RPS6KA5: variants seen among roughly 807,000 people sequenced by gnomAD.
RPS6KA5 encodes ribosomal protein S6 kinase A5.
A neutral mutation model predicts 85.5 loss-of-function variants in RPS6KA5; 27 were observed. That is an observed-to-expected ratio of 0.32 (90% CI 0.23 to 0.44). The LOEUF is 0.44. Ranked by LOEUF, RPS6KA5 falls within the 20% of genes least tolerant of loss-of-function variation. The pLI is 1.00. For missense variants in RPS6KA5, 811 were observed against 980.9 expected, an observed-to-expected ratio of 0.83 and a Z score of 2.31; for synonymous variants, 334 against 348.2, an observed-to-expected ratio of 0.96 and a Z score of 0.46.
At chr14:90,882,982 G>A (rs1315976218) in intron 14 of RPS6KA5, among the ~76,000 whole-genome samples, 1 of 152,032 alleles carries the variant, frequency 6.6e-6, no homozygotes, top group African/African-American at 2.4e-5. Flanking sequence ...ATTTTTAGTA[G>A]AGATGGGGTT....
chr14:91,052,833 CAA>C (rs200161761), intron 1 of RPS6KA5, among the ~76,000 whole-genome samples: 6,701 of 119,840 alleles, frequency 0.056, 417 homozygotes, highest in African/African-American at 0.18. Context: ...ACTCCATCTC[CAA>C]AAAAAAAAAA....
chr14:90,936,660 T>C (rs558984469), intron 5 of RPS6KA5, among the ~76,000 whole-genome samples: 2 of 152,316 alleles, frequency 1.3e-5, no homozygotes, highest in South Asian at 4.1e-4. Flanking sequence ...ATGTTCACCA[T>C]TATATTTGTA....
chr14:91,024,419 A>C (rs917892529), intron 1 of RPS6KA5, among the ~76,000 whole-genome samples: 9 of 152,070 alleles, frequency 5.9e-5, no homozygotes, highest in African/African-American at 1.9e-4. Context: ...ATTTGGAGGA[A>C]TATTTTTATT....
chr14:91,060,380 C>A lies in RPS6KA5; in HGVS notation c.55G>T (p.Gly19Cys). ...GTGAGGAGCTGCTCTCCTCCGTCGC[C>A]GCCGTCCGCGCTGGTCCCCGCGGCG... ...GGAAGTSADG[G>C]DGGEQLLTVK... Residue 19 changes from glycine (G) to cysteine (C), a missense_variant, in exon 1 of 17, where the codon GGC becomes TGC. By Grantham distance (159) the Gly-to-Cys change is radical. This residue lies in a region of RPS6KA5 where 113 missense variants were observed against 100.0 expected (regional missense o/e 1.13). Coordinates refer to ENST00000614987, the MANE Select transcript of RPS6KA5 (RefSeq NM_004755.4). 6.6e-7 allele frequency: 1 copy of A among 1,508,192 alleles called. No individual in the cohort carries two copies. Among genetic ancestry groups the A allele is most frequent in the Non-Finnish European group, 8.9e-7 (1 of 1,122,738 alleles). The allele number at this position is 1,508,192 out of a possible 1,614,324, so 93.4% of individuals were successfully genotyped here.
chr14:90,872,467 T>C (rs2033182833), intron 16 of RPS6KA5, 145 bp from the exon 17 acceptor site: 4 of 1,047,240 alleles, frequency 3.8e-6, no homozygotes, highest in Non-Finnish European at 5.3e-6. Flanking sequence ...AAAACCTTTA[T>C]ATCTAAGTCT....
intron 1 of RPS6KA5, among the ~76,000 whole-genome samples, chr14:91,020,495 G>C (rs1181611909): frequency 6.7e-6 from 1 of 148,562 alleles, no homozygotes; most frequent in African/African-American, 2.5e-5. Flanking sequence ...TATCTATAGG[G>C]GATCCTGAAA....
Position 90,851,045 on chromosome 14 carries a change from A to AT in RPS6KA5, c.*21028dup, listed in dbSNP as rs199608256. The AT allele has an allele frequency of 0.024, 3,588 of 149,938 alleles. 131 individuals are homozygous for AT. Among genetic ancestry groups the AT allele is most frequent in the African/African-American group, 0.08 (3,278 of 40,930 alleles). 9.3% of individuals were successfully genotyped at this position (149,938 alleles called of 1,614,324 possible). ...AAGTGGGTAAAGATACTTTTATTTTATTTTTTTTTTGAGACAGAGTCTCAC... is the reference window on the plus strand; with the variant it reads ...AAGTGGGTAAAGATACTTTTATTTTATTTTTTTTTTTGAGACAGAGTCTCAC... On this transcript the variant is annotated 3_prime_UTR_variant, in exon 17 of 17. Coordinates refer to ENST00000614987, the MANE Select transcript of RPS6KA5 (RefSeq NM_004755.4).
chr14:90,880,039 T>A (rs1315532674), intron 14 of RPS6KA5, among the ~76,000 whole-genome samples: 1 of 152,166 alleles, frequency 6.6e-6, no homozygotes, highest in East Asian at 1.9e-4. Context: ...GACCTTGTGA[T>A]CTACCCGCCT....
At chr14:91,036,812 A>G (rs2042427849) in intron 1 of RPS6KA5, among the ~76,000 whole-genome samples, 1 of 152,170 alleles carries the variant, frequency 6.6e-6, no homozygotes, top group African/African-American at 2.4e-5. Context: ...GGGTTGCCCA[A>G]GGGGAGCATT....
intron 14 of RPS6KA5, among the ~76,000 whole-genome samples, chr14:90,877,205 G>A (rs1165282229): frequency 6.6e-6 from 1 of 152,208 alleles, no homozygotes; most frequent in Non-Finnish European, 1.5e-5. Context: ...ATATGCATGA[G>A]AATGCGCAGA....
At chr14:90,875,110 GTAAT>G in intron 15 of RPS6KA5, 87 bp downstream of exon 15, 1 of 1,242,078 alleles carries the variant, frequency 8.1e-7, no homozygotes, top group Non-Finnish European at 1.1e-6. Context: ...GATTCCTCGA[GTAAT>G]TAACATATGA....
At chr14:91,058,812 A>G (rs2043448868) in intron 1 of RPS6KA5, among the ~76,000 whole-genome samples, 1 of 152,248 alleles carries the variant, frequency 6.6e-6, no homozygotes, top group Admixed American at 6.5e-5. Flanking sequence ...CAAAAAAACA[A>G]TGTTTACAAA....
intron 3 of RPS6KA5, among the ~76,000 whole-genome samples, chr14:90,950,340 T>G (rs1199175384): frequency 6.6e-6 from 1 of 152,234 alleles, no homozygotes; most frequent in Non-Finnish European, 1.5e-5. Context: ...CCTTAGGACT[T>G]TCTATTTATA....
At chr14:90,896,425 C>A (rs922989495) in intron 12 of RPS6KA5, among the ~76,000 whole-genome samples, 1 of 152,150 alleles carries the variant, frequency 6.6e-6, no homozygotes, top group Non-Finnish European at 1.5e-5. Flanking sequence ...TGATGGCCCT[C>A]CAAAGTTGTT....
chr14:90,945,623 TA>T (rs2037833685), intron 4 of RPS6KA5, among the ~76,000 whole-genome samples: 1 of 152,222 alleles, frequency 6.6e-6, no homozygotes, highest in African/African-American at 2.4e-5. Flanking sequence ...GTTCATTTAC[TA>T]TATTACTCTC....
At chr14:91,030,928 G>A (rs2042165538) in intron 1 of RPS6KA5, among the ~76,000 whole-genome samples, 1 of 152,012 alleles carries the variant, frequency 6.6e-6, no homozygotes, top group Non-Finnish European at 1.5e-5. Context: ...AATAATCTTG[G>A]AAATCCAGTA....
intron 15 of RPS6KA5, among the ~76,000 whole-genome samples, chr14:90,874,665 C>G (rs2033332541): frequency 6.6e-6 from 1 of 152,082 alleles, no homozygotes; most frequent in African/African-American, 2.4e-5. Flanking sequence ...CAGCTTAAGT[C>G]AGAGGAAGTG....
intron 3 of RPS6KA5, among the ~76,000 whole-genome samples, chr14:90,952,346 C>A (rs1432588801): frequency 6.6e-6 from 1 of 152,238 alleles, no homozygotes; most frequent in Non-Finnish European, 1.5e-5. Flanking sequence ...AAGAAGGAAT[C>A]TGGATATCGG....
rs573407971 is a variant in RPS6KA5, at chr14:91,020,828, A to G, written c.104-19669T>C. On this transcript the variant is annotated intron_variant, in intron 1 of 16. Transcript: ENST00000614987. ...TCTCATTTCATCTGGAAGTTTCTCAATTTCTGTCTTTTAGGACTGACTTTG... is the reference window on the plus strand; with the variant it reads ...TCTCATTTCATCTGGAAGTTTCTCAGTTTCTGTCTTTTAGGACTGACTTTG... 3.3e-5 allele frequency among the ~76,000 whole-genome samples: 5 copies of G among 151,998 alleles called. 1 individual carries two copies. The highest frequency in any genetic ancestry group is 9.7e-5 in the African/African-American group (4 of 41,450).
Sources: allele counts gnomAD v4.1 joint callset (sites outside exome capture counted in the v4.1 genomes callset), GRCh38; gene constraint gnomAD v4.1.1; regional missense constraint gnomAD v4.1.1; transcripts MANE v1.5; gene names NCBI Gene and HGNC (gene_info 2026-07-23, HGNC 2026-07-21).